The following HIP1 variants were observed in gnomAD, a reference collection of about 807,000 sequenced individuals.
The protein encoded by HIP1 is huntingtin interacting protein 1.
Under a neutral mutation model 147.6 loss-of-function variants are expected in HIP1, and 65 were observed. The observed-to-expected ratio is 0.44, with a 90% confidence interval of 0.36 to 0.54. The LOEUF is 0.54. Ranked by LOEUF, HIP1 falls within the 20% of genes least tolerant of loss-of-function variation. HIP1 has a pLI of 0.00. For synonymous variants in HIP1, 479 were observed against 504.0 expected (o/e 0.95, Z 0.67); for missense variants, 1,061 against 1,299.6 (o/e 0.82, Z 2.82).
At chr7:75,589,045 G>C (rs1488130010) in intron 4 of HIP1, among the ~76,000 whole-genome samples, 1 of 151,854 alleles carries the variant, frequency 6.6e-6, no homozygotes, top group Non-Finnish European at 1.5e-5. Flanking sequence ...AGCTACTTGG[G>C]AGGCTGAGAC....
intron 1 of HIP1, among the ~76,000 whole-genome samples, chr7:75,727,761 G>A (rs782062711): frequency 1.3e-5 from 2 of 151,002 alleles, no homozygotes; most frequent in Non-Finnish European, 2.9e-5. Flanking sequence ...CAGGAGAATT[G>A]CTTGAATCCA....
intron 9 of HIP1, among the ~76,000 whole-genome samples, chr7:75,565,848 C>CACGCCCACAAGTATTTAAAAAAAAGGTTA (rs1563206903): frequency 4.8e-5 from 7 of 146,766 alleles, no homozygotes; most frequent in African/African-American, 1.9e-4. Context: ...TCTCCTGCCT[C>CACGCCCACAAGTATTTAAAAAAAAGGTTA]AGCCTCCTGA....
chr7:75,547,674 C>G, intron 24 of HIP1, 81 bp downstream of exon 24: 1 of 1,194,662 alleles, frequency 8.4e-7, no homozygotes, highest in Non-Finnish European at 1.3e-6. Context: ...CTCTAATTCC[C>G]TAATAAGTAT....
chr7:75,694,048 T>TA (rs1554518503), intron 1 of HIP1, among the ~76,000 whole-genome samples: 1 of 149,194 alleles, frequency 6.7e-6, no homozygotes, highest in African/African-American at 2.5e-5. Context: ...GCCTCCCCAG[T>TA]AGCTGGGATT....
rs587618661 is a variant in HIP1 at position 75,611,329 on chromosome 7, T to C, written c.121-12082A>G. Among the ~76,000 whole-genome samples the C allele has an allele frequency of 2.0e-4, 30 of 151,788 alleles. No homozygotes were observed. The South Asian group carries it at 6.2e-3, about 32-fold the overall frequency. On this transcript the variant is annotated intron_variant, in intron 1 of 30. Coordinates refer to ENST00000336926, the MANE Select transcript of HIP1 (RefSeq NM_005338.7). ...CAAAAATACAAAAAGTAGCCAGACA[T>C]GGTGGTGCGTGCCTGTAGTCCCAGC...
chr7:75,551,767 AC>A (rs1794792868), intron 22 of HIP1, among the ~76,000 whole-genome samples: 1 of 151,528 alleles, frequency 6.6e-6, no homozygotes, highest in South Asian at 2.1e-4. Flanking sequence ...ACAGGGCGCC[AC>A]TAAGTTGCCC....
chr7:75,604,696 GA>G (rs1422489068), intron 1 of HIP1, among the ~76,000 whole-genome samples: 1 of 141,300 alleles, frequency 7.1e-6, no homozygotes, highest in African/African-American at 2.5e-5. Context: ...AGGAAGGAAG[GA>G]AGGGAGGGAG....
chr7:75,715,964 AG>A (rs1484263975), intron 1 of HIP1, among the ~76,000 whole-genome samples: 2 of 151,908 alleles, frequency 1.3e-5, no homozygotes, highest in African/African-American at 4.8e-5. Context: ...AGAGAGAGCC[AG>A]GCTCTTTTAA....
chr7:75,605,075 G>A lies in HIP1; in HGVS notation c.121-5828C>T, dbSNP rs117821749. Among the ~76,000 whole-genome samples the A allele has an allele frequency of 8.2e-3, 1,249 of 152,196 alleles. 7 individuals carry two copies. The highest frequency in any genetic ancestry group is 0.02 in the Middle Eastern group (6 of 294). Reference sequence around the variant, plus strand: ...CTTAAAGGGAAAGGAGGGATAACTCGGCCCAGCTACTGTCCCAGCCATTAC... The same window carrying A: ...CTTAAAGGGAAAGGAGGGATAACTCAGCCCAGCTACTGTCCCAGCCATTAC... On this transcript the variant is annotated intron_variant, in intron 1 of 30. Coordinates refer to ENST00000336926, the MANE Select transcript of HIP1 (RefSeq NM_005338.7).
At chr7:75,682,730 T>A (rs1248259514) in intron 1 of HIP1, among the ~76,000 whole-genome samples, 1 of 152,102 alleles carries the variant, frequency 6.6e-6, no homozygotes. Context: ...AGAAAATACA[T>A]ACCTTACTCA....
In HIP1 at chr7:75,573,834, C is replaced by A. The variant is rs782093444; in HGVS notation, c.672G>T (p.Pro224=). ...TGCAGTCCAAGATGACCTGGATCAG[C>A]GGGGCGAGGCGGCACTGCCCTGCTG... ...VTAAGQCRLA[P]LIQVILDCSH... is the part of the protein sequence containing the mutation. Residue 224 remains proline, a synonymous_variant, in exon 8 of 31, where the codon CCG becomes CCT. Coordinates refer to ENST00000336926, the MANE Select transcript of HIP1 (RefSeq NM_005338.7). 2 of 1,614,052 alleles carry A rather than the reference C, an allele frequency of 1.2e-6. No individual in the cohort carries two copies. Among genetic ancestry groups the A allele is most frequent in the Non-Finnish European group, 1.7e-6 (2 of 1,179,954 alleles).
In HIP1 at chr7:75,639,188, G is replaced by A. The variant is rs551532242; in HGVS notation, c.121-39941C>T. On this transcript the variant is annotated intron_variant, in intron 1 of 30. Coordinates refer to ENST00000336926, the MANE Select transcript of HIP1 (RefSeq NM_005338.7). ...GGAGGGCGGCCGGCAGGGCCCCCGC[G>A]GACCGGGGCAGGCGGCGGCGGCGGC... The A allele has an allele frequency of 2.2e-5, 22 of 982,806 alleles. No individual in the cohort carries two copies. The East Asian group carries it at 1.5e-3, about 68-fold the overall frequency. The allele number at this position is 982,806 out of a possible 1,614,324, so 60.9% of individuals were successfully genotyped here.
chr7:75,581,261 A>T lies in HIP1; in HGVS notation c.580T>A (p.Cys194Ser). The T allele has an allele frequency of 6.2e-7, 1 of 1,611,714 alleles. No homozygotes were observed. Among genetic ancestry groups the T allele is most frequent in the Non-Finnish European group, 8.5e-7 (1 of 1,178,930 alleles). The change falls in exon 7 of 31, where the codon TGT (cysteine) becomes AGT (serine). Residue 194 changes from cysteine to serine, a missense_variant. Cys to Ser is a moderately radical substitution (Grantham distance 112). Around this residue, in one of 3 missense-constraint regions of HIP1, gnomAD observed 225 missense variants for 292.9 expected, o/e 0.77. Transcript: ENST00000336926. Reference protein sequence around the residue: ...LTVEMFDYLECELNLFQTVFN... With the variant: ...LTVEMFDYLESELNLFQTVFN... ...CCTGTTTGGAAGAGGTTGAGTTCAC[A>T]CTCCAGGTAGTCAAACATCTCCACT...
intron 1 of HIP1, among the ~76,000 whole-genome samples, chr7:75,695,487 C>G (rs948349065): frequency 9.2e-5 from 14 of 152,206 alleles, no homozygotes; most frequent in African/African-American, 3.1e-4. Context: ...CTCCAGCCCA[C>G]TCTCCACTGC....
chr7:75,570,115 G>A (rs368283548), intron 8 of HIP1, among the ~76,000 whole-genome samples: 3 of 151,444 alleles, frequency 2.0e-5, no homozygotes, highest in African/African-American at 7.3e-5. Flanking sequence ...TGTATTTTTA[G>A]CAGATACAGG....
chr7:75,568,276 G>A lies in HIP1; in HGVS notation c.746-20C>T, dbSNP rs587748225. ...GGAGGCCTGGAAGAAATTGGAAAGAGTGTGAGAGGGGAGGGGGACCAGAGG... is the reference window on the plus strand; with the variant it reads ...GGAGGCCTGGAAGAAATTGGAAAGAATGTGAGAGGGGAGGGGGACCAGAGG... On this transcript the variant is annotated intron_variant, in intron 8 of 30. Coordinates refer to ENST00000336926, the MANE Select transcript of HIP1 (RefSeq NM_005338.7). This position sits in a 1 kb window ranked among gnomAD's most constrained non-coding sequence, Gnocchi z 4.1. 10 of 1,578,300 alleles carry A rather than the reference G, an allele frequency of 6.3e-6. No homozygotes were observed. In the African/African-American group the frequency reaches 9.4e-5, roughly 15 times the overall value.
intron 4 of HIP1, among the ~76,000 whole-genome samples, chr7:75,590,232 G>C (rs1381097826): frequency 6.6e-6 from 1 of 152,042 alleles, no homozygotes; most frequent in African/African-American, 2.4e-5. Flanking sequence ...CAAAATACAT[G>C]GTTATGCTAA....
chr7:75,676,428 G>T (rs782502917), intron 1 of HIP1, among the ~76,000 whole-genome samples: 1 of 152,086 alleles, frequency 6.6e-6, no homozygotes, highest in African/African-American at 2.4e-5. Flanking sequence ...GGGCACACAC[G>T]CAGCCAACAC....
intron 1 of HIP1, among the ~76,000 whole-genome samples, chr7:75,686,740 C>A (rs1277271927): frequency 6.6e-6 from 1 of 151,896 alleles, no homozygotes; most frequent in East Asian, 1.9e-4. Flanking sequence ...TGGCTCACTG[C>A]AGCCTTGACC....
Sources: gnomAD v4.1 joint callset for allele counts (sites outside exome capture counted in the v4.1 genomes callset) on GRCh38, gnomAD v4.1.1 for gene constraint, gnomAD v4.1.1 regional missense constraint, Gnocchi (gnomAD v3.1) non-coding constraint, MANE v1.5 for transcripts, NCBI Gene and HGNC (gene_info 2026-07-23, HGNC 2026-07-21) for gene names.